NDFIP2: variants seen among roughly 807,000 people sequenced by gnomAD.
NDFIP2 encodes NEDD4 family-interacting protein 2.
In NDFIP2, 19 loss-of-function variants were observed where a neutral mutation model predicts 36.0. That is an observed-to-expected ratio of 0.53 (90% CI 0.37 to 0.77). The LOEUF (loss-of-function observed/expected upper bound fraction) is 0.77. NDFIP2 is among the 30% of genes least tolerant of loss of function. The pLI, the probability that NDFIP2 is intolerant of heterozygous loss-of-function variation, is 0.00. For synonymous variants in NDFIP2, 181 were observed against 167.7 expected (o/e 1.08, Z -0.61); for missense variants, 446 against 435.8 (o/e 1.02, Z -0.21).
chr13:79,542,505 G>GTTTTTTTTTTTTTTTTTTTTT, intron 4 of NDFIP2, among the ~76,000 whole-genome samples: 1 of 149,312 alleles, frequency 6.7e-6, no homozygotes, highest in Admixed American at 6.6e-5. Flanking sequence ...GTGTTGTTCT[G>GTTTTTTTTTTTTTTTTTTTTT]TTTTTTGTTT....
chr13:79,513,044 T>C (rs532510252), intron 1 of NDFIP2, among the ~76,000 whole-genome samples: 2 of 152,350 alleles, frequency 1.3e-5, no homozygotes, highest in East Asian at 3.9e-4. Context: ...TATTAAAATG[T>C]GCCATGGTCT....
At chr13:79,483,772 C>T (rs1342514969) in intron 1 of NDFIP2, among the ~76,000 whole-genome samples, 3 of 152,120 alleles carry the variant, frequency 2.0e-5, no homozygotes, top group Non-Finnish European at 4.4e-5. Flanking sequence ...CTCTTCTTTC[C>T]TTTCATTGTT....
At chr13:79,483,908 TTTTG>T (rs1008577041) in intron 1 of NDFIP2, among the ~76,000 whole-genome samples, 8 of 152,302 alleles carry the variant, frequency 5.3e-5, no homozygotes, top group African/African-American at 1.9e-4. Context: ...GGAAATTCAG[TTTTG>T]TTTGTTAGTA....
chr13:79,537,307 C>T (rs1226275056), intron 3 of NDFIP2, among the ~76,000 whole-genome samples: 6 of 152,132 alleles, frequency 3.9e-5, no homozygotes, highest in African/African-American at 1.2e-4. Flanking sequence ...AGATGGGTTT[C>T]GCCATGTTGG....
chr13:79,554,318 T>C lies in NDFIP2; in HGVS notation c.*1805T>C, dbSNP rs1180827666. ...AAACTCATGCTGGATCTCTTTCATA[T>C]TAATTTCTTATAGACCTGTACTTTA... On this transcript the variant is annotated 3_prime_UTR_variant, in exon 8 of 8. Coordinates refer to ENST00000218652, the MANE Select transcript of NDFIP2 (RefSeq NM_019080.3). 6.6e-6 allele frequency: 1 copy of C among 151,828 alleles called. No homozygotes were observed. The highest frequency in any genetic ancestry group is 2.4e-5 in the African/African-American group (1 of 41,438). 9.4% of individuals were successfully genotyped at this position (151,828 alleles called of 1,614,324 possible).
chr13:79,533,416 C>G lies in NDFIP2; in HGVS notation c.581C>G (p.Ala194Gly). 2.5e-6 allele frequency: 4 copies of G among 1,611,072 alleles called. No individual in the cohort carries two copies. The highest frequency in any genetic ancestry group is 3.4e-6 in the Non-Finnish European group (4 of 1,178,492). Residue 194 changes from alanine to glycine, a missense_variant, in exon 3 of 8, where the codon GCT (alanine) becomes GGT (glycine). By Grantham distance (60) the Ala-to-Gly change is moderately conservative (BLOSUM62 0). This residue lies in a region of NDFIP2 where 369 missense variants were observed against 304.8 expected (regional missense o/e 1.21). Coordinates refer to ENST00000218652, the MANE Select transcript of NDFIP2 (RefSeq NM_019080.3). ...PTYDEAEKAK[A>G]AAMAAAAAET... ...TACGATGAAGCTGAGAAGGCTAAAG[C>G]TGCTGCAATGGCAGCTGCAGCAGCA... is the stretch of plus-strand genomic sequence containing the variant.
chr13:79,551,222 T>G, intron 7 of NDFIP2, 100 bp downstream of exon 7: 1 of 558,592 alleles, frequency 1.8e-6, no homozygotes, highest in Admixed American at 3.4e-5. Context: ...ATTTTTACTG[T>G]TAGCATATTT....
Position 79,532,384 on chromosome 13 carries a change from G to C in NDFIP2, c.488-939G>C, listed in dbSNP as rs569661620. Among the ~76,000 whole-genome samples, 127 of 152,222 alleles carry C rather than the reference G, an allele frequency of 8.3e-4. 1 individual carries two copies. Among genetic ancestry groups the C allele is most frequent in the Non-Finnish European group, 6.9e-4 (47 of 68,026 alleles). On this transcript the variant is annotated intron_variant, in intron 2 of 7. Coordinates refer to ENST00000218652, the MANE Select transcript of NDFIP2 (RefSeq NM_019080.3). ...GAAAATACAAAAGTGATGTCAAACA[G>C]TGTGGTGTATGCTACTTTTAGAACC...
chr13:79,523,646 T>C (rs1402899089), intron 2 of NDFIP2, among the ~76,000 whole-genome samples: 2 of 152,218 alleles, frequency 1.3e-5, no homozygotes, highest in South Asian at 2.1e-4. Flanking sequence ...ATAAAAGTTA[T>C]GTGAATGTAG....
At chr13:79,516,907 T>C (rs1001624943) in intron 1 of NDFIP2, among the ~76,000 whole-genome samples, 12 of 152,148 alleles carry the variant, frequency 7.9e-5, no homozygotes, top group African/African-American at 2.9e-4. Flanking sequence ...TTTTATCACC[T>C]TAAGATAGAA....
At chr13:79,531,197 G>C (rs1006658318) in intron 2 of NDFIP2, among the ~76,000 whole-genome samples, 2 of 152,178 alleles carry the variant, frequency 1.3e-5, no homozygotes, top group African/African-American at 4.8e-5. Flanking sequence ...TATTTTGAAA[G>C]ATCTTTTTCT....
intron 2 of NDFIP2, among the ~76,000 whole-genome samples, chr13:79,523,892 G>C (rs1874688706): frequency 6.6e-6 from 1 of 152,132 alleles, no homozygotes; most frequent in South Asian, 2.1e-4. Flanking sequence ...AGGTTATTTT[G>C]CTGAAACCTT....
intron 1 of NDFIP2, among the ~76,000 whole-genome samples, chr13:79,501,470 G>T (rs1873664972): frequency 6.6e-6 from 1 of 152,124 alleles, no homozygotes; most frequent in African/African-American, 2.4e-5. Flanking sequence ...AAATCTCTAA[G>T]AAGTGAAGTC....
At chr13:79,552,002 A>C (rs955504982) in intron 7 of NDFIP2, among the ~76,000 whole-genome samples, 3 of 151,414 alleles carry the variant, frequency 2.0e-5, no homozygotes, top group African/African-American at 7.2e-5. Context: ...AATAAACTGC[A>C]TGCTTTGTGA....
rs528773346 is a variant in NDFIP2 at position 79,529,988 on chromosome 13, G to A, written c.488-3335G>A. On this transcript the variant is annotated intron_variant, in intron 2 of 7. Coordinates refer to ENST00000218652, the MANE Select transcript of NDFIP2 (RefSeq NM_019080.3). ...TGCAGTAGCATTATGTTTAAAAAAT[G>A]TACATATCTTAATTTAAAACTTTAC... 1.1e-4 allele frequency among the ~76,000 whole-genome samples: 17 copies of A among 152,252 alleles called. 1 individual carries two copies. In the South Asian group the frequency reaches 3.5e-3, roughly 32 times the overall value.
chr13:79,530,756 A>C (rs775089385), intron 2 of NDFIP2, among the ~76,000 whole-genome samples: 6 of 152,080 alleles, frequency 3.9e-5, no homozygotes, highest in African/African-American at 7.2e-5. Context: ...ATTCAGTCAC[A>C]TTTTCAGGCC....
intron 4 of NDFIP2, among the ~76,000 whole-genome samples, chr13:79,542,722 T>C (rs888223440): frequency 8.5e-5 from 13 of 152,124 alleles, no homozygotes; most frequent in African/African-American, 3.1e-4. Flanking sequence ...TGATGTCTTA[T>C]TCTGTCCACA....
At chr13:79,505,031 T>G (rs1200945458) in intron 1 of NDFIP2, among the ~76,000 whole-genome samples, 1 of 152,222 alleles carries the variant, frequency 6.6e-6, no homozygotes, top group East Asian at 1.9e-4. Flanking sequence ...ATTTTTGTAC[T>G]TTCTTGCCAT....
intron 7 of NDFIP2, 125 bp downstream of exon 7, chr13:79,551,247 C>T (rs542060636): frequency 7.3e-5 from 33 of 450,164 alleles, no homozygotes; most frequent in Non-Finnish European, 1.1e-4. Flanking sequence ...TTTTTTAATA[C>T]TGCTAACAGT....
Sources: allele counts gnomAD v4.1 joint callset (sites outside exome capture counted in the v4.1 genomes callset), GRCh38; gene constraint gnomAD v4.1.1; regional missense constraint gnomAD v4.1.1; transcripts MANE v1.5; gene names NCBI Gene and HGNC (gene_info 2026-07-23, HGNC 2026-07-21).